Variants in ESYT2 observed in about 807,000 individuals in gnomAD.
ESYT2 encodes extended synaptotagmin-2.
ESYT2 carries 54 observed loss-of-function variants against 107.2 expected under a neutral mutation model. The observed-to-expected ratio is 0.50, with a 90% CI of 0.40 to 0.63. The LOEUF is 0.63. Among genes scored for constraint, ESYT2 ranks in the 30% least tolerant of loss-of-function variants. The probability of loss-of-function intolerance (pLI) is 0.00; values close to 1 mark genes in which losing one functional copy is unlikely to be tolerated. For synonymous variants in ESYT2, 491 were observed against 434.1 expected, an observed-to-expected ratio of 1.13 and a Z score of -1.63; for missense variants, 1,020 against 1,094.5, an observed-to-expected ratio of 0.93 and a Z score of 0.96.
Position 158,829,316 on chromosome 7 carries a change from C to T in ESYT2, c.103G>A (p.Gly35Arg), listed in dbSNP as rs991820625. 1.2e-5 allele frequency: 18 copies of T among 1,497,838 alleles called. No individual in the cohort carries two copies. The African/African-American group carries it at 2.0e-4, about 17-fold the overall frequency. The allele number at this position is 1,497,838 out of a possible 1,614,324, so 92.8% of individuals were successfully genotyped here. Residue 35 changes from glycine (G) to arginine (R), a missense_variant, in exon 1 of 23, where the codon GGG becomes AGG. Coordinates refer to ENST00000275418, the MANE Select transcript of ESYT2 (RefSeq NM_001367773.1). Reference protein sequence around the residue: ...PGGVLSVELPGLLAQLARSFA... With the variant: ...PGGVLSVELPRLLAQLARSFA... The stretch of plus-strand genomic sequence containing the variant: ...CTCCGCGCCAGCTGCGCCAGCAGCC[C>T]GGGCAGCTCCACGCTCAGCACGCCC...
chr7:158,814,287 TTATATATATATATATATA>T (rs58908927), intron 1 of ESYT2, among the ~76,000 whole-genome samples: 12 of 66,906 alleles, frequency 1.8e-4, no homozygotes, highest in African/African-American at 2.8e-4. Context: ...AAAAAAAAAA[TTATATATATATATATATA>T]TATATATATA....
At chr7:158,781,000 A>C (rs1434930651) in intron 6 of ESYT2, among the ~76,000 whole-genome samples, 1 of 152,154 alleles carries the variant, frequency 6.6e-6, no homozygotes, top group South Asian at 2.1e-4. Flanking sequence ...GGGACAGAGA[A>C]CTAATGTGAG....
At chr7:158,765,934 T>C (rs945461225) in intron 8 of ESYT2, among the ~76,000 whole-genome samples, 2 of 152,094 alleles carry the variant, frequency 1.3e-5, no homozygotes, top group Non-Finnish European at 1.5e-5. Context: ...GTGCGGTGAC[T>C]CACGCCTCTA....
chr7:158,754,600 G>C (rs1195257232), intron 13 of ESYT2, among the ~76,000 whole-genome samples: 1 of 152,116 alleles, frequency 6.6e-6, no homozygotes, highest in Non-Finnish European at 1.5e-5. Context: ...CTATTATCCA[G>C]CTAGTACTGT....
chr7:158,788,592 T>A lies in ESYT2; in HGVS notation c.585-175A>T, dbSNP rs187484673. ...TTATAGTATTTTACTGCTCCAGGTGTGCAGGCTGTTATCAGATCCAACACT... is the reference window on the plus strand; with the variant it reads ...TTATAGTATTTTACTGCTCCAGGTGAGCAGGCTGTTATCAGATCCAACACT... On this transcript the variant is annotated intron_variant, in intron 4 of 22. Transcript: ENST00000275418. Among the ~76,000 whole-genome samples, 726 of 152,336 alleles carry A rather than the reference T, an allele frequency of 4.8e-3. 2 individuals are homozygous for A. Among genetic ancestry groups the A allele is most frequent in the Non-Finnish European group, 7.8e-3 (531 of 68,018 alleles).
chr7:158,757,873 C>T (rs1837823230), intron 13 of ESYT2, among the ~76,000 whole-genome samples: 1 of 152,048 alleles, frequency 6.6e-6, no homozygotes, highest in Non-Finnish European at 1.5e-5. Flanking sequence ...TTCACTGATA[C>T]TATTCTCTCT....
chr7:158,788,100 T>A lies in ESYT2; in HGVS notation c.658-7A>T. 6 of 1,612,992 alleles carry A rather than the reference T, an allele frequency of 3.7e-6. No individual in the cohort carries two copies. The highest frequency in any genetic ancestry group is 5.1e-6 in the Non-Finnish European group (6 of 1,179,106). Reference sequence around the variant, plus strand: ...CCCGCATGGTACCATGAATCTAAACTCAAACAGGAAACCAAAATATGTAAT... The same window carrying A: ...CCCGCATGGTACCATGAATCTAAACACAAACAGGAAACCAAAATATGTAAT... On this transcript the variant is annotated splice_polypyrimidine_tract_variant and splice_region_variant and intron_variant, in intron 5 of 22. Transcript: ENST00000275418.
In ESYT2 at chr7:158,810,007, T is replaced by C. The variant is rs73732403; in HGVS notation, c.331-10935A>G. Among the ~76,000 whole-genome samples the C allele has an allele frequency of 7.2e-3, 1,093 of 152,368 alleles. 16 individuals are homozygous for C. The highest frequency in any genetic ancestry group is 0.025 in the African/African-American group (1,044 of 41,580). ...ATTAAACTACGTTAAACTTAATTTG[T>C]CTGAGATTTTCCTTTTAACAACAAG... On this transcript the variant is annotated intron_variant, in intron 1 of 22. Transcript: ENST00000275418.
rs534015977 is a variant in ESYT2, at chr7:158,765,693, G to A, written c.925-840C>T. On this transcript the variant is annotated intron_variant, in intron 8 of 22. Transcript: ENST00000275418. ...AGAGCTTGCAGTGAGCTGAGATGGC[G>A]CCACTGCATTCCAGCCTGAGCGACA... 6.6e-5 allele frequency among the ~76,000 whole-genome samples: 10 copies of A among 152,150 alleles called. No individual in the cohort carries two copies. The East Asian group carries it at 9.7e-4, about 15-fold the overall frequency.
At chr7:158,768,301 T>G (rs1262965226) in intron 7 of ESYT2, among the ~76,000 whole-genome samples, 1 of 152,254 alleles carries the variant, frequency 6.6e-6, no homozygotes, top group East Asian at 1.9e-4. Flanking sequence ...ACTTACTTTG[T>G]TCTCTCTTAT....
At chr7:158,786,945 T>C (rs1222208929) in intron 6 of ESYT2, among the ~76,000 whole-genome samples, 1 of 152,092 alleles carries the variant, frequency 6.6e-6, no homozygotes, top group Non-Finnish European at 1.5e-5. Context: ...GAAGAAAGTT[T>C]CACAAAAGTG....
At chr7:158,741,947 C>G in intron 17 of ESYT2, 51 bp from the exon 18 acceptor site, 2 of 1,505,742 alleles carry the variant, frequency 1.3e-6, no homozygotes, top group Middle Eastern at 1.8e-4. Flanking sequence ...CTGGTAACAT[C>G]CTAATACTGG....
intron 16 of ESYT2, among the ~76,000 whole-genome samples, chr7:158,747,755 A>AGATTTATAT (rs1837452829): frequency 1.3e-5 from 2 of 152,246 alleles, no homozygotes; most frequent in African/African-American, 2.4e-5. Flanking sequence ...TATTCACAGC[A>AGATTTATAT]GATTTATATG....
intron 15 of ESYT2, among the ~76,000 whole-genome samples, chr7:158,748,615 C>T (rs1837482893): frequency 2.6e-5 from 4 of 152,106 alleles, no homozygotes; most frequent in Admixed American, 6.6e-5. Context: ...ATAGCTCCTC[C>T]GAACTGAGGA....
At chr7:158,799,130 T>C in intron 1 of ESYT2, 58 bp from the exon 2 acceptor site, 2 of 1,457,492 alleles carry the variant, frequency 1.4e-6, no homozygotes, top group South Asian at 1.2e-5. Context: ...AAATAAAATG[T>C]CAAGCAGGCA....
chr7:158,780,885 G>A (rs1175429035), intron 6 of ESYT2, among the ~76,000 whole-genome samples: 2 of 152,256 alleles, frequency 1.3e-5, no homozygotes, highest in African/African-American at 4.8e-5. Context: ...AGGCTGTAAT[G>A]ACGGAGGGAG....
At chr7:158,813,957 ACAGATCAAAAACAT>A (rs1840061541) in intron 1 of ESYT2, among the ~76,000 whole-genome samples, 1 of 152,160 alleles carries the variant, frequency 6.6e-6, no homozygotes, top group Non-Finnish European at 1.5e-5. Flanking sequence ...AATGACTCTC[ACAGATCAAAAACAT>A]TTTAAAAATA....
At position 158,827,748 on chromosome 7, in the gene ESYT2, C is replaced by T. The variant is rs569023165; in HGVS notation, c.330+1341G>A. Reference sequence around the variant, plus strand: ...GCCTTACTTCTCAGGTGTCTCATGACTGGAAACAGGGACTTTTCTCCTCTA... The same window carrying T: ...GCCTTACTTCTCAGGTGTCTCATGATTGGAAACAGGGACTTTTCTCCTCTA... On this transcript the variant is annotated intron_variant, in intron 1 of 22. Transcript: ENST00000275418. 11 of 152,338 alleles carry T rather than the reference C, an allele frequency of 7.2e-5. No homozygotes were observed. The East Asian group carries it at 1.5e-3, about 21-fold the overall frequency. The allele number at this position is 152,338 out of a possible 1,614,324, so 9.4% of individuals were successfully genotyped here.
At chr7:158,748,623 G>A (rs949635627) in intron 15 of ESYT2, among the ~76,000 whole-genome samples, 1 of 152,144 alleles carries the variant, frequency 6.6e-6, no homozygotes, top group Non-Finnish European at 1.5e-5. Context: ...TCCGAACTGA[G>A]GAGGGTGAGC....
Sources: gnomAD v4.1 joint callset for allele counts (sites outside exome capture counted in the v4.1 genomes callset) on GRCh38, gnomAD v4.1.1 for gene constraint, MANE v1.5 for transcripts, NCBI Gene and HGNC (gene_info 2026-07-23, HGNC 2026-07-21) for gene names.